Variants in TBC1D4 observed in about 807,000 individuals in gnomAD.
TBC1D4 encodes TBC (Tre-2, BUB2, CDC16) domain-containing protein.
In TBC1D4, 121 loss-of-function variants were observed where a neutral mutation model predicts 142.5. The ratio of observed to expected loss-of-function variants is 0.85; its 90% confidence interval spans 0.73 to 0.99. The LOEUF is 0.99. TBC1D4 is among the 50% of genes least tolerant of loss of function. TBC1D4 has a pLI of 0.00. For synonymous variants in TBC1D4, 630 were observed against 628.2 expected (o/e 1.00, Z -0.04); for missense variants, 1,475 against 1,606.6 (o/e 0.92, Z 1.40).
chr13:75,324,215 A>G (rs750743352), intron 11 of TBC1D4, 22 bp downstream of exon 11: 1 of 1,613,598 alleles, frequency 6.2e-7, no homozygotes, highest in South Asian at 1.1e-5. Context: ...TTTGCTTTGC[A>G]AACAGAGGAC....
chr13:75,438,765 G>A (rs570156433), intron 1 of TBC1D4, among the ~76,000 whole-genome samples: 9 of 152,096 alleles, frequency 5.9e-5, no homozygotes, highest in Non-Finnish European at 7.4e-5. Context: ...TCTTAGATTC[G>A]TATATTAGAA....
intron 8 of TBC1D4, among the ~76,000 whole-genome samples, chr13:75,335,083 G>A (rs1224277193): frequency 6.6e-6 from 1 of 152,112 alleles, no homozygotes; most frequent in Non-Finnish European, 1.5e-5. Context: ...GCCTGCTTAG[G>A]CACCCATCCC....
At chr13:75,410,632 T>C (rs543380962) in intron 1 of TBC1D4, among the ~76,000 whole-genome samples, 2 of 152,192 alleles carry the variant, frequency 1.3e-5, no homozygotes, top group East Asian at 3.9e-4. Flanking sequence ...AAAAAATAAC[T>C]ACTTTAGAAA....
Position 75,481,806 on chromosome 13 carries a change from G to A in TBC1D4, c.-39C>T. 6.8e-7 allele frequency: 1 copy of A among 1,460,322 alleles called. No homozygotes were observed. 90.5% of individuals were successfully genotyped at this position (1,460,322 alleles called of 1,614,324 possible). A position where few individuals can be genotyped will look rare whatever the true frequency, so the allele number is the denominator to read the frequency against. On this transcript the variant is annotated 5_prime_UTR_variant, in exon 1 of 21. Transcript: ENST00000377636. ...CCAGGGCACCGCGGAGGCCGGCCGG[G>A]CGCACCGCGCCCCCCACTCCCGCGC...
chr13:75,481,373 T>C lies in TBC1D4; in HGVS notation c.395A>G (p.Asn132Ser), dbSNP rs77951178. Reference sequence around the variant, plus strand: ...GGCAAAGTAGGTGAGGTCGTGGCTGTTGTGGATGAAGCGCGAGATATGCTG... The same window carrying C: ...GGCAAAGTAGGTGAGGTCGTGGCTGCTGTGGATGAAGCGCGAGATATGCTG... Reference protein sequence around the residue: ...KAQHISRFIHNSHDLTYFAYL... With the variant: ...KAQHISRFIHSSHDLTYFAYL... The change falls in exon 1 of 21, where the codon AAC (asparagine) becomes AGC (serine). Residue 132 changes from asparagine (N) to serine (S), a missense_variant. Asn to Ser is a conservative substitution (Grantham distance 46). Transcript: ENST00000377636. 6.8e-6 allele frequency: 11 copies of C among 1,613,586 alleles called. No homozygotes were observed. Among genetic ancestry groups the C allele is most frequent in the African/African-American group, 2.7e-5 (2 of 74,860 alleles).
At chr13:75,315,389 T>C (rs77857750) in intron 12 of TBC1D4, among the ~76,000 whole-genome samples, 158 of 145,762 alleles carry the variant, frequency 1.1e-3, no homozygotes, top group Non-Finnish European at 1.8e-3. Flanking sequence ...CACACACACA[T>C]ATATATATAC....
rs766211283 is a variant in TBC1D4 at position 75,367,524 on chromosome 13, TA to T, written c.499-4918del. 8.0e-3 allele frequency among the ~76,000 whole-genome samples: 1,108 copies of T among 138,460 alleles called. 4 individuals carry two copies. The highest frequency in any genetic ancestry group is 0.021 in the East Asian group (105 of 4,890). The allele number at this position is 138,460 out of a possible 152,430, so 90.8% of individuals were successfully genotyped here. ...AGGCAGAGCAAGATTTAGAGAAGTG[TA>T]AAAAAAAAAAAAGTTGAGGAAAAAC... On this transcript the variant is annotated intron_variant, in intron 1 of 20. Coordinates refer to ENST00000377636, the MANE Select transcript of TBC1D4 (RefSeq NM_014832.5).
chr13:75,380,653 G>A (rs934629425), intron 1 of TBC1D4, among the ~76,000 whole-genome samples: 3 of 151,692 alleles, frequency 2.0e-5, no homozygotes, highest in South Asian at 2.1e-4. Flanking sequence ...CTCTACCTAC[G>A]TTATGTGAAG....
chr13:75,431,669 T>C (rs998181273), intron 1 of TBC1D4, among the ~76,000 whole-genome samples: 20 of 152,344 alleles, frequency 1.3e-4, no homozygotes, highest in South Asian at 8.3e-4. Context: ...TATTGCATTC[T>C]TCTTACCAAA....
chr13:75,449,189 G>T (rs1447534585), intron 1 of TBC1D4, among the ~76,000 whole-genome samples: 1 of 151,840 alleles, frequency 6.6e-6, no homozygotes, highest in African/African-American at 2.4e-5. Context: ...ACCCCCAGTG[G>T]ATGCCTAAAA....
intron 5 of TBC1D4, among the ~76,000 whole-genome samples, chr13:75,342,225 A>G (rs1028727309): frequency 6.6e-6 from 1 of 151,740 alleles, no homozygotes; most frequent in Non-Finnish European, 1.5e-5. Flanking sequence ...ATTACTAACA[A>G]TGAATTTCTA....
chr13:75,420,166 TA>T (rs1566477365), intron 1 of TBC1D4, among the ~76,000 whole-genome samples: 2 of 152,158 alleles, frequency 1.3e-5, no homozygotes, highest in African/African-American at 2.4e-5. Context: ...AGTAAGAAGT[TA>T]GATGCTGCCA....
At chr13:75,434,991 T>C (rs1460120850) in intron 1 of TBC1D4, among the ~76,000 whole-genome samples, 1 of 149,714 alleles carries the variant, frequency 6.7e-6, no homozygotes, top group Non-Finnish European at 1.5e-5. Flanking sequence ...CTGCTAAAAA[T>C]ACAAAAATTA....
intron 1 of TBC1D4, among the ~76,000 whole-genome samples, chr13:75,471,092 T>C (rs1200447752): frequency 6.6e-6 from 1 of 151,986 alleles, no homozygotes; most frequent in Non-Finnish European, 1.5e-5. Context: ...CTTTCTTATG[T>C]TAAGACAGAT....
chr13:75,363,662 C>T (rs2138180866), intron 1 of TBC1D4, among the ~76,000 whole-genome samples: 1 of 152,094 alleles, frequency 6.6e-6, no homozygotes, highest in African/African-American at 2.4e-5. Context: ...CCAAGCTGTG[C>T]CCTAACCACC....
In TBC1D4 at chr13:75,481,819, C is replaced by G; in HGVS notation, c.-52G>C. 2 of 1,437,166 alleles carry G rather than the reference C, an allele frequency of 1.4e-6. No individual in the cohort carries two copies. The highest frequency in any genetic ancestry group is 1.8e-6 in the Non-Finnish European group (2 of 1,104,746). 89.0% of individuals were successfully genotyped at this position (1,437,166 alleles called of 1,614,324 possible). On this transcript the variant is annotated 5_prime_UTR_variant, in exon 1 of 21. Transcript: ENST00000377636. ...GAGGCCGGCCGGGCGCACCGCGCCC[C>G]CCACTCCCGCGCAGAAGGCGCCGCC...
At chr13:75,398,156 A>T (rs571411158) in intron 1 of TBC1D4, among the ~76,000 whole-genome samples, 1 of 152,386 alleles carries the variant, frequency 6.6e-6, no homozygotes, top group South Asian at 2.1e-4. Context: ...GGCAGATGCC[A>T]TGTGAAGTAG....
chr13:75,427,427 G>T (rs1218425970), intron 1 of TBC1D4, among the ~76,000 whole-genome samples: 1 of 152,188 alleles, frequency 6.6e-6, no homozygotes, highest in Non-Finnish European at 1.5e-5. Context: ...TGTAATCTCA[G>T]CCTGTGGGAG....
At chr13:75,438,751 A>G (rs1886907848) in intron 1 of TBC1D4, among the ~76,000 whole-genome samples, 1 of 152,230 alleles carries the variant, frequency 6.6e-6, no homozygotes, top group Non-Finnish European at 1.5e-5. Context: ...ACAGGCTACA[A>G]GTCTCTTAGA....
Sources: gnomAD v4.1 joint callset for allele counts (sites outside exome capture counted in the v4.1 genomes callset) on GRCh38, gnomAD v4.1.1 for gene constraint, MANE v1.5 for transcripts, NCBI Gene and HGNC (gene_info 2026-07-23, HGNC 2026-07-21) for gene names.